The following CEP164 variants were observed in gnomAD, a reference collection of about 807,000 sequenced individuals.
CEP164 encodes the protein centrosomal protein 164.
In CEP164, 162 loss-of-function variants were observed where a neutral mutation model predicts 182.7. That is an observed-to-expected ratio of 0.89 (90% CI 0.78 to 1.01). CEP164 has a LOEUF of 1.01. Among genes scored for constraint, CEP164 ranks in the 50% least tolerant of loss-of-function variants. The probability of loss-of-function intolerance (pLI) is 0.00; values close to 1 mark genes in which losing one functional copy is unlikely to be tolerated. For synonymous variants in CEP164, 661 were observed against 690.0 expected (o/e 0.96, Z 0.66); for missense variants, 1,735 against 1,790.4 (o/e 0.97, Z 0.56).
chr11:117,338,431 C>T (rs747150518), intron 2 of CEP164, 135 bp from the exon 3 acceptor site: 10 of 640,872 alleles, frequency 1.6e-5, no homozygotes, highest in East Asian at 7.9e-5. Flanking sequence ...CTATACCTGG[C>T]GCCTGGGAAG....
At chr11:117,403,412 C>T (rs567650584) in intron 27 of CEP164, among the ~76,000 whole-genome samples, 114 of 152,326 alleles carry the variant, frequency 7.5e-4, no homozygotes, top group Non-Finnish European at 1.4e-3. Flanking sequence ...GATTTTATTT[C>T]TGCTTCACTT....
Position 117,387,733 on chromosome 11 carries a change from A to G in CEP164, c.1934+321A>G, listed in dbSNP as rs146157142. Among the ~76,000 whole-genome samples the G allele has an allele frequency of 2.4e-4, 36 of 152,286 alleles. No homozygotes were observed. The East Asian group carries it at 6.9e-3, about 29-fold the overall frequency. ...ACAGTCCCAGGTTGGGAAAGGTACTACAAAAAGGTGTTAACATATTTCATT... is the reference window on the plus strand; with the variant it reads ...ACAGTCCCAGGTTGGGAAAGGTACTGCAAAAAGGTGTTAACATATTTCATT... On this transcript the variant is annotated intron_variant, in intron 15 of 32. Transcript: ENST00000278935.
chr11:117,411,999 C>G lies in CEP164; in HGVS notation c.4287-73C>G. ...CTGAGGGGCTGAGGAGGATCCTGTT[C>G]AGCCTTTGACCCTTTCATGGCCCCT... On this transcript the variant is annotated intron_variant, in intron 32 of 32. Coordinates refer to ENST00000278935, the MANE Select transcript of CEP164 (RefSeq NM_014956.5). The surrounding 1 kb of genome is among the most constrained non-coding windows in gnomAD (Gnocchi z 4.4). 1.2e-6 allele frequency: 2 copies of G among 1,610,606 alleles called. No homozygotes were observed. Among genetic ancestry groups the G allele is most frequent in the Non-Finnish European group, 1.7e-6 (2 of 1,178,052 alleles).
chr11:117,385,938 T>G (rs777085443), intron 14 of CEP164: 3 of 152,238 alleles, frequency 2.0e-5, no homozygotes, highest in African/African-American at 7.2e-5. Context: ...CTCAAGGTGC[T>G]GCAATGGGAT....
At position 117,406,649 on chromosome 11, in the gene CEP164, G is replaced by A. The variant is rs150454107; in HGVS notation, c.3502-1276G>A. The stretch of plus-strand genomic sequence containing the variant: ...GTCTTTTGAACACACTTAGCAAAAG[G>A]CTTTGAGTTACTTACCCACCCTGCT... On this transcript the variant is annotated intron_variant, in intron 27 of 32. Coordinates refer to ENST00000278935, the MANE Select transcript of CEP164 (RefSeq NM_014956.5). Among the ~76,000 whole-genome samples the A allele has an allele frequency of 6.6e-4, 101 of 152,252 alleles. 1 individual carries two copies. The East Asian group carries it at 0.019, about 29-fold the overall frequency.
chr11:117,348,129 C>T (rs1023647465), intron 4 of CEP164, among the ~76,000 whole-genome samples: 2 of 152,056 alleles, frequency 1.3e-5, no homozygotes, highest in Non-Finnish European at 1.5e-5. Flanking sequence ...GTCACCATGC[C>T]TGGCTAATTT....
chr11:117,373,710 G>T (rs777180927), intron 9 of CEP164, 41 bp from the exon 10 acceptor site: 1 of 1,564,490 alleles, frequency 6.4e-7, no homozygotes, highest in Admixed American at 1.7e-5. Flanking sequence ...GACTCTTTGT[G>T]CTCTGCTCTG....
intron 5 of CEP164, among the ~76,000 whole-genome samples, chr11:117,354,446 T>C (rs1200255052): frequency 2.0e-5 from 3 of 152,220 alleles, no homozygotes; most frequent in Non-Finnish European, 4.4e-5. Context: ...AGTCAGTTCC[T>C]CTATAGAGGT....
At position 117,394,309 on chromosome 11, in the gene CEP164, G is replaced by C. The variant is rs1592380708; in HGVS notation, c.2617-41G>C. 6.4e-7 allele frequency: 1 copy of C among 1,560,002 alleles called. No individual in the cohort carries two copies. Among genetic ancestry groups the C allele is most frequent in the Non-Finnish European group, 8.7e-7 (1 of 1,151,558 alleles). On this transcript the variant is annotated intron_variant, in intron 20 of 32. Coordinates refer to ENST00000278935, the MANE Select transcript of CEP164 (RefSeq NM_014956.5). This position sits in a 1 kb window ranked among gnomAD's most constrained non-coding sequence, Gnocchi z 4.0. The stretch of plus-strand genomic sequence containing the variant: ...AGCTGTGATTTTTGTGGTAGAAGGG[G>C]CTGCCGCAGCTTCCCACCGGTGGGC...
chr11:117,351,519 T>G (rs762611907), intron 4 of CEP164, among the ~76,000 whole-genome samples: 1 of 152,178 alleles, frequency 6.6e-6, no homozygotes, highest in Non-Finnish European at 1.5e-5. Context: ...CTCCAGTGAT[T>G]ATACATCAAC....
chr11:117,371,382 G>T lies in CEP164; in HGVS notation c.1068G>T (p.Glu356Asp). 1 of 1,614,242 alleles carries T rather than the reference G, an allele frequency of 6.2e-7. No individual in the cohort carries two copies. Among genetic ancestry groups the T allele is most frequent in the Non-Finnish European group, 8.5e-7 (1 of 1,180,040 alleles). The change falls in exon 9 of 33, where the codon GAG (glutamate) becomes GAT (aspartate). Residue 356 changes from glutamate to aspartate, a missense_variant. Transcript: ENST00000278935. ...CAGAGGACACAGTAGATGCAGGAGA[G>T]GAGGGTTCCAGGAGGGAAGAGGCAG... is the stretch of plus-strand genomic sequence containing the variant. ...EAPEDTVDAG[E>D]EGSRREEAAK...
intron 5 of CEP164, chr11:117,355,118 C>A (rs1191481294): frequency 1.6e-6 from 2 of 1,289,850 alleles, no homozygotes; most frequent in Admixed American, 4.6e-5. Flanking sequence ...CATGGGTGCC[C>A]TTCCCAGAAA....
chr11:117,334,181 T>C (rs1339732245), intron 1 of CEP164, among the ~76,000 whole-genome samples: 2 of 152,210 alleles, frequency 1.3e-5, no homozygotes, highest in African/African-American at 2.4e-5. Context: ...ATTGCATCTC[T>C]AGCGCCTAGA....
chr11:117,387,636 GA>G (rs1035141388), intron 15 of CEP164, among the ~76,000 whole-genome samples: 1 of 152,208 alleles, frequency 6.6e-6, no homozygotes, highest in Non-Finnish European at 1.5e-5. Context: ...TTACCCCGTA[GA>G]ATAAAAGCAG....
intron 8 of CEP164, among the ~76,000 whole-genome samples, chr11:117,365,060 C>T (rs144580799): frequency 3.6e-3 from 548 of 152,312 alleles, no homozygotes; most frequent in African/African-American, 0.013. Context: ...TTATTTTCTT[C>T]TCCACCACCA....
chr11:117,370,935 A>G, intron 8 of CEP164, 145 bp from the exon 9 acceptor site: 1 of 815,142 alleles, frequency 1.2e-6, no homozygotes. Flanking sequence ...AAAAATTAAC[A>G]ACTGGGTGAT....
intron 8 of CEP164, among the ~76,000 whole-genome samples, chr11:117,370,359 G>T (rs1315827346): frequency 6.6e-6 from 1 of 152,222 alleles, no homozygotes; most frequent in Non-Finnish European, 1.5e-5. Flanking sequence ...AGACTTTGCT[G>T]CCTTTCTGTC....
intron 1 of CEP164, among the ~76,000 whole-genome samples, chr11:117,333,008 A>C (rs1286681589): frequency 6.6e-6 from 1 of 152,192 alleles, no homozygotes; most frequent in African/African-American, 2.4e-5. Flanking sequence ...TAAGGGCTGC[A>C]TTCTCATTTA....
chr11:117,384,874 A>G (rs2043764405), intron 14 of CEP164: 1 of 152,330 alleles, frequency 6.6e-6, no homozygotes, highest in African/African-American at 2.4e-5. Context: ...AGCAGAGGGC[A>G]AGCTAGAGGG....
Sources: gnomAD v4.1 joint callset for allele counts (sites outside exome capture counted in the v4.1 genomes callset) on GRCh38, gnomAD v4.1.1 for gene constraint, Gnocchi (gnomAD v3.1) non-coding constraint, MANE v1.5 for transcripts, NCBI Gene and HGNC (gene_info 2026-07-23, HGNC 2026-07-21) for gene names.